The following ROR1 variants were observed in gnomAD, a reference collection of about 807,000 sequenced individuals.
ROR1 encodes ROR family WNT receptor 1.
In ROR1, 19 loss-of-function variants were observed where a neutral mutation model predicts 78.8. The ratio of observed to expected loss-of-function variants is 0.24; its 90% CI spans 0.17 to 0.35. The LOEUF is 0.35. Ranked by LOEUF, ROR1 falls within the 10% of genes least tolerant of loss-of-function variation. ROR1 has a pLI of 1.00. For missense variants in ROR1, 917 were observed against 1,177.8 expected, an observed-to-expected ratio of 0.78 and a Z score of 3.24; for synonymous variants, 386 against 433.6, an observed-to-expected ratio of 0.89 and a Z score of 1.36.
chr1:63,790,542 G>T (rs1644719644), intron 1 of ROR1, among the ~76,000 whole-genome samples: 1 of 152,120 alleles, frequency 6.6e-6, no homozygotes, highest in African/African-American at 2.4e-5. Flanking sequence ...ATAAATTAGG[G>T]TCACCCTGCT....
At chr1:63,940,385 A>G (rs1320691994) in intron 1 of ROR1, among the ~76,000 whole-genome samples, 1 of 152,166 alleles carries the variant, frequency 6.6e-6, no homozygotes. Flanking sequence ...GTGATGGAAT[A>G]GATAAGGACA....
intron 2 of ROR1, among the ~76,000 whole-genome samples, chr1:64,010,746 T>C (rs74521530): frequency 0.03 from 4,520 of 152,204 alleles, 250 homozygotes; most frequent in African/African-American, 0.1. Flanking sequence ...GAGGGTGGTT[T>C]CCCCCATCCT....
chr1:63,918,103 CG>C (rs1489882174), intron 1 of ROR1, among the ~76,000 whole-genome samples: 2 of 152,218 alleles, frequency 1.3e-5, no homozygotes, highest in Non-Finnish European at 2.9e-5. Context: ...AGCCCTGACT[CG>C]GGTGCCCCGG....
intron 4 of ROR1, among the ~76,000 whole-genome samples, chr1:64,090,251 C>T (rs1647185285): frequency 6.6e-6 from 1 of 152,124 alleles, no homozygotes; most frequent in Admixed American, 6.5e-5. Flanking sequence ...TCTCATGGTT[C>T]ATTCAAGGAA....
intron 1 of ROR1, among the ~76,000 whole-genome samples, chr1:63,938,788 G>A (rs759393653): frequency 2.2e-4 from 34 of 152,118 alleles, no homozygotes; most frequent in Non-Finnish European, 4.3e-4. Flanking sequence ...TTCAGCCTGG[G>A]AGGTCAACAC....
chr1:63,929,945 T>C (rs1308526438), intron 1 of ROR1, among the ~76,000 whole-genome samples: 1 of 152,196 alleles, frequency 6.6e-6, no homozygotes, highest in African/African-American at 2.4e-5. Flanking sequence ...ACTGTGAGTC[T>C]GTAGACAGAG....
At chr1:63,912,631 C>T (rs962940456) in intron 1 of ROR1, among the ~76,000 whole-genome samples, 3 of 152,148 alleles carry the variant, frequency 2.0e-5, no homozygotes, top group African/African-American at 7.2e-5. Flanking sequence ...TGGGGAGAGA[C>T]AGTTAAGCAG....
intron 1 of ROR1, among the ~76,000 whole-genome samples, chr1:63,949,705 A>T (rs1353922575): frequency 6.6e-6 from 1 of 151,970 alleles, no homozygotes; most frequent in African/African-American, 2.4e-5. Flanking sequence ...CTCCTGCTTG[A>T]TTGTCTCAAA....
At position 63,842,380 on chromosome 1, in the gene ROR1, A is replaced by G. The variant is rs568103729; in HGVS notation, c.91+67872A>G. ...TTATTCACTGTTTCTCCAAGACCCA[A>G]CTCCCATAGGATGTCATGAAGAGGG... On this transcript the variant is annotated intron_variant, in intron 1 of 8. Coordinates refer to ENST00000371079, the MANE Select transcript of ROR1 (RefSeq NM_005012.4). Among the ~76,000 whole-genome samples, 18 of 152,202 alleles carry G rather than the reference A, an allele frequency of 1.2e-4. No individual in the cohort carries two copies. In the South Asian group the frequency reaches 2.9e-3, roughly 25 times the overall value.
intron 1 of ROR1, among the ~76,000 whole-genome samples, chr1:63,961,954 C>T (rs969975446): frequency 5.3e-5 from 8 of 152,088 alleles, no homozygotes; most frequent in African/African-American, 1.9e-4. Context: ...ACATTTATCT[C>T]ATAAATATGT....
chr1:64,099,115 C>G (rs1647416982), intron 4 of ROR1, among the ~76,000 whole-genome samples: 1 of 152,060 alleles, frequency 6.6e-6, no homozygotes, highest in African/African-American at 2.4e-5. Flanking sequence ...GAGGAGTGAA[C>G]CTGTAATCTT....
chr1:64,139,191 A>AGT (rs35913668), intron 5 of ROR1, among the ~76,000 whole-genome samples: 8 of 150,222 alleles, frequency 5.3e-5, no homozygotes, highest in Admixed American at 3.3e-4. Flanking sequence ...AAAAAAAAAA[A>AGT]GTGGAAGTTT....
chr1:63,819,729 T>C (rs920794582), intron 1 of ROR1, among the ~76,000 whole-genome samples: 7 of 152,220 alleles, frequency 4.6e-5, no homozygotes, highest in African/African-American at 1.7e-4. Context: ...ACCAGCACTG[T>C]CCATCAGTAG....
rs181660118 is a variant in ROR1, at chr1:63,861,914, G to C, written c.91+87406G>C. 5.9e-5 allele frequency among the ~76,000 whole-genome samples: 9 copies of C among 152,146 alleles called. No homozygotes were observed. The East Asian group carries it at 1.5e-3, about 26-fold the overall frequency. On this transcript the variant is annotated intron_variant, in intron 1 of 8. Transcript: ENST00000371079. ...CGCCTTTCCTGACAAGTCTAGGGTTGATTTTATGTATTTGCTAAGATTTAT... is the reference window on the plus strand; with the variant it reads ...CGCCTTTCCTGACAAGTCTAGGGTTCATTTTATGTATTTGCTAAGATTTAT...
chr1:63,896,937 A>C (rs771434127), intron 1 of ROR1, among the ~76,000 whole-genome samples: 2 of 152,236 alleles, frequency 1.3e-5, no homozygotes, highest in African/African-American at 2.4e-5. Flanking sequence ...TGAGGTTAAT[A>C]ATAACTACCC....
chr1:64,174,167 A>G (rs1450725312), intron 8 of ROR1, among the ~76,000 whole-genome samples: 1 of 152,172 alleles, frequency 6.6e-6, no homozygotes, highest in Non-Finnish European at 1.5e-5. Flanking sequence ...AATTACGTTC[A>G]TACATCGTTG....
chr1:64,050,001 T>G, intron 3 of ROR1, 23 bp downstream of exon 3: 1 of 1,612,338 alleles, frequency 6.2e-7, no homozygotes, highest in Non-Finnish European at 8.5e-7. Context: ...CTACTGGGGA[T>G]GGACTTTGGC....
chr1:64,032,373 C>T lies in ROR1; in HGVS notation c.164-17318C>T, dbSNP rs1039533195. 2.8e-5 allele frequency among the ~76,000 whole-genome samples: 4 copies of T among 144,344 alleles called. No individual in the cohort carries two copies. The East Asian group carries it at 8.0e-4, about 29-fold the overall frequency. 94.7% of individuals were successfully genotyped at this position (144,344 alleles called of 152,430 possible). ...AAAAAAAAAAAAAAAATGCAAAAAG[C>T]AAAATATGTTGTTCCTGCATGGAGA... On this transcript the variant is annotated intron_variant, in intron 2 of 8. Transcript: ENST00000371079.
chr1:64,067,026 G>A (rs574142099), intron 4 of ROR1, among the ~76,000 whole-genome samples: 5 of 151,934 alleles, frequency 3.3e-5, no homozygotes, highest in Non-Finnish European at 7.4e-5. Flanking sequence ...ATATTTACAG[G>A]ACATCTTAAT....
Sources: gnomAD v4.1 joint callset for allele counts (sites outside exome capture counted in the v4.1 genomes callset) on GRCh38, gnomAD v4.1.1 for gene constraint, MANE v1.5 for transcripts, NCBI Gene and HGNC (gene_info 2026-07-23, HGNC 2026-07-21) for gene names.